Variants in IQGAP2 observed in about 807,000 individuals in gnomAD.
IQGAP2 encodes IQ motif containing GTPase activating protein 2, also known as ras GTPase-activating-like protein IQGAP2.
In IQGAP2, 173 loss-of-function variants were observed where a neutral mutation model predicts 201.3. That is an observed-to-expected ratio of 0.86 (90% CI 0.76 to 0.98). IQGAP2 has a LOEUF of 0.98. IQGAP2 is among the 50% of genes least tolerant of loss of function. The pLI is 0.00. For missense variants in IQGAP2, 1,687 were observed against 1,864.8 expected, an observed-to-expected ratio of 0.90 and a Z score of 1.76; for synonymous variants, 675 against 673.9, an observed-to-expected ratio of 1.00 and a Z score of -0.03.
At chr5:76,495,554 G>T (rs1391277464) in intron 2 of IQGAP2, among the ~76,000 whole-genome samples, 1 of 152,158 alleles carries the variant, frequency 6.6e-6, no homozygotes, top group African/African-American at 2.4e-5. Context: ...CCATTGTGGG[G>T]TAGTGTGTTA....
At chr5:76,478,986 T>C (rs1333276125) in intron 2 of IQGAP2, among the ~76,000 whole-genome samples, 1 of 152,120 alleles carries the variant, frequency 6.6e-6, no homozygotes, top group African/African-American at 2.4e-5. Context: ...GGCCTTTCCC[T>C]GCTCACAACT....
chr5:76,440,964 A>AAC (rs1241077755), intron 1 of IQGAP2, among the ~76,000 whole-genome samples: 1 of 151,472 alleles, frequency 6.6e-6, no homozygotes, highest in African/African-American at 2.4e-5. Flanking sequence ...CCAGGAGGTG[A>AAC]AGGTTGCAGT....
At chr5:76,545,699 T>C (rs1460210387) in intron 2 of IQGAP2, among the ~76,000 whole-genome samples, 1 of 152,208 alleles carries the variant, frequency 6.6e-6, no homozygotes, top group East Asian at 1.9e-4. Flanking sequence ...TATCTGTCTT[T>C]GTAGGGCCAA....
chr5:76,597,691 A>T, intron 10 of IQGAP2, 89 bp downstream of exon 10: 9 of 1,358,012 alleles, frequency 6.6e-6, no homozygotes, highest in Non-Finnish European at 9.3e-6. Flanking sequence ...GGGAATAGGG[A>T]TCGGGGATCT....
intron 23 of IQGAP2, among the ~76,000 whole-genome samples, chr5:76,670,102 C>T (rs968466485): frequency 3.9e-5 from 6 of 152,088 alleles, no homozygotes; most frequent in Non-Finnish European, 7.4e-5. Flanking sequence ...TGTGCATGCA[C>T]GTGAGGTCTG....
chr5:76,563,052 G>C (rs1744493260), intron 3 of IQGAP2, among the ~76,000 whole-genome samples: 1 of 152,154 alleles, frequency 6.6e-6, no homozygotes, highest in Non-Finnish European at 1.5e-5. Flanking sequence ...AAAATAAAAA[G>C]CTATTGTAGC....
At chr5:76,440,924 G>A (rs1416039184) in intron 1 of IQGAP2, among the ~76,000 whole-genome samples, 9 of 152,046 alleles carry the variant, frequency 5.9e-5, no homozygotes, top group Non-Finnish European at 1.2e-4. Context: ...CCTGCTACTC[G>A]GGAGGTTGAG....
At chr5:76,589,528 T>G in intron 6 of IQGAP2, 87 bp from the exon 7 acceptor site, 1 of 670,924 alleles carries the variant, frequency 1.5e-6, no homozygotes, top group East Asian at 3.1e-5. Flanking sequence ...ATGAAGACAT[T>G]TCTTGATATG....
intron 1 of IQGAP2, among the ~76,000 whole-genome samples, chr5:76,418,728 G>C (rs1470080873): frequency 6.6e-6 from 1 of 152,190 alleles, no homozygotes; most frequent in Non-Finnish European, 1.5e-5. Context: ...AACACTGGAG[G>C]ATAAAGCTTG....
intron 1 of IQGAP2, among the ~76,000 whole-genome samples, chr5:76,422,648 C>T (rs1019856909): frequency 1.3e-5 from 2 of 152,172 alleles, no homozygotes; most frequent in Admixed American, 6.5e-5. Flanking sequence ...AACCCCGAGT[C>T]TCTGGTCTGT....
chr5:76,615,595 T>C (rs1390680009), intron 13 of IQGAP2: 1 of 152,244 alleles, frequency 6.6e-6, no homozygotes, highest in Non-Finnish European at 1.5e-5. Flanking sequence ...TAAAGTTTCC[T>C]CAGCCCCATT....
At chr5:76,467,367 G>A (rs1435504040) in intron 2 of IQGAP2, among the ~76,000 whole-genome samples, 1 of 152,200 alleles carries the variant, frequency 6.6e-6, no homozygotes, top group African/African-American at 2.4e-5. Flanking sequence ...AGATACACAA[G>A]TGATCAATAA....
intron 9 of IQGAP2, among the ~76,000 whole-genome samples, chr5:76,596,421 T>C (rs893943375): frequency 1.6e-4 from 25 of 152,248 alleles, no homozygotes; most frequent in African/African-American, 4.8e-4. Context: ...AAAACTATGC[T>C]GAATCTACTG....
At chr5:76,635,206 C>T (rs1189243684) in intron 15 of IQGAP2, among the ~76,000 whole-genome samples, 1 of 152,226 alleles carries the variant, frequency 6.6e-6, no homozygotes, top group African/African-American at 2.4e-5. Flanking sequence ...TATCTTCTCT[C>T]TCCTAAACTT....
At chr5:76,647,502 TGTG>T (rs1382428268) in intron 17 of IQGAP2, among the ~76,000 whole-genome samples, 2 of 123,500 alleles carry the variant, frequency 1.6e-5, no homozygotes, top group African/African-American at 6.5e-5. Flanking sequence ...ATACTGTTCT[TGTG>T]GTAGTGAATA....
intron 2 of IQGAP2, among the ~76,000 whole-genome samples, chr5:76,543,243 C>T (rs557711170): frequency 2.3e-4 from 35 of 152,288 alleles, no homozygotes; most frequent in African/African-American, 6.7e-4. Flanking sequence ...AACTCAAGAA[C>T]GCCAGAGTGG....
intron 31 of IQGAP2, among the ~76,000 whole-genome samples, chr5:76,694,797 A>G (rs1021475867): frequency 1.3e-5 from 2 of 152,250 alleles, no homozygotes; most frequent in East Asian, 3.8e-4. Flanking sequence ...GTACAATGAA[A>G]TGGGAAGACC....
intron 1 of IQGAP2, among the ~76,000 whole-genome samples, chr5:76,460,149 G>A (rs1754351414): frequency 1.3e-5 from 2 of 152,102 alleles, no homozygotes; most frequent in Non-Finnish European, 2.9e-5. Flanking sequence ...TACAGTGGGG[G>A]GCTTTTCTGA....
At chr5:76,442,649 A>G (rs1753113129) in intron 1 of IQGAP2, among the ~76,000 whole-genome samples, 1 of 152,198 alleles carries the variant, frequency 6.6e-6, no homozygotes, top group Admixed American at 6.5e-5. Flanking sequence ...CTGAGTGCCT[A>G]TTCAGCTGTA....
Sources: gnomAD v4.1 joint callset for allele counts (sites outside exome capture counted in the v4.1 genomes callset) on GRCh38, gnomAD v4.1.1 for gene constraint, MANE v1.5 for transcripts, NCBI Gene and HGNC (gene_info 2026-07-23, HGNC 2026-07-21) for gene names.